Variants in OTUD7B observed in about 807,000 individuals in gnomAD.
The protein encoded by OTUD7B is OTU domain-containing protein 7B.
Under a neutral mutation model 82.2 loss-of-function variants are expected in OTUD7B, and 34 were observed. That is an observed-to-expected ratio of 0.41 (90% CI 0.31 to 0.55). The LOEUF is 0.55. Ranked by LOEUF, OTUD7B falls within the 20% of genes least tolerant of loss-of-function variation. OTUD7B has a pLI of 0.20. For synonymous variants in OTUD7B, 398 were observed against 402.7 expected (o/e 0.99, Z 0.14); for missense variants, 944 against 1,062.1 (o/e 0.89, Z 1.55).
At chr1:149,993,160 T>C (rs186905635) in intron 1 of OTUD7B, among the ~76,000 whole-genome samples, 14 of 152,210 alleles carry the variant, frequency 9.2e-5, no homozygotes, top group Admixed American at 2.6e-4. Flanking sequence ...AAAGAAAGTA[T>C]ACAGCCTGAA....
At chr1:150,051,148 G>C in the OTUD7B span, among the ~76,000 whole-genome samples, 11 of 142,938 alleles carry the variant, frequency 7.7e-5, no homozygotes, top group Non-Finnish European at 1.2e-4. Context: ...AGAATCGCTT[G>C]AACCCAGGAA....
At chr1:149,975,118 TTGCATAAACTGTTTATTC>T (rs1350777986) in intron 2 of OTUD7B, among the ~76,000 whole-genome samples, 1 of 152,184 alleles carries the variant, frequency 6.6e-6, no homozygotes, top group African/African-American at 2.4e-5. Flanking sequence ...CTTAGGGCCC[TTGCATAAACTGTTTATTC>T]TGCATAAACA....
intron 1 of OTUD7B, among the ~76,000 whole-genome samples, chr1:149,978,189 A>G (rs587750796): frequency 1.3e-5 from 2 of 152,314 alleles, no homozygotes; most frequent in South Asian, 4.1e-4. Context: ...GCAGAGGAGT[A>G]AACTGATAGC....
At chr1:150,034,102 G>C in the OTUD7B span, among the ~76,000 whole-genome samples, 60 of 152,298 alleles carry the variant, frequency 3.9e-4, no homozygotes, top group Non-Finnish European at 6.5e-4. Context: ...TACATGATAA[G>C]TGGCAAAGCC....
intron 6 of OTUD7B, chr1:149,961,362 T>C (rs1383922039): frequency 6.6e-6 from 1 of 152,210 alleles, no homozygotes; most frequent in Non-Finnish European, 1.5e-5. Flanking sequence ...GTTGTTTTTT[T>C]GTTTGTTTGT....
At position 149,941,279 on chromosome 1, in the gene OTUD7B, AC is replaced by A. The variant is rs1553770351; in HGVS notation, c.*2577del. On this transcript the variant is annotated 3_prime_UTR_variant, in exon 12 of 12. Transcript: ENST00000581312. ...CACAGCAGTCCAGTGGAGAATCAAA[AC>A]TTTTCCGGCTTTATTCTCTGGGAAA... The A allele has an allele frequency of 1.3e-5, 2 of 152,156 alleles. No individual in the cohort carries two copies. Among genetic ancestry groups the A allele is most frequent in the African/African-American group, 4.8e-5 (2 of 41,432 alleles). The allele number at this position is 152,156 out of a possible 1,614,324, so 9.4% of individuals were successfully genotyped here. A position where few individuals can be genotyped will look rare whatever the true frequency, so the allele number is the denominator to read the frequency against.
chr1:150,065,615 T>C, the OTUD7B span, among the ~76,000 whole-genome samples: 1 of 152,232 alleles, frequency 6.6e-6, no homozygotes, highest in Non-Finnish European at 1.5e-5. Flanking sequence ...TTGCTGTCAC[T>C]TGCCTGCAAC....
chr1:150,057,988 T>G, the OTUD7B span, among the ~76,000 whole-genome samples: 1 of 152,164 alleles, frequency 6.6e-6, no homozygotes, highest in Non-Finnish European at 1.5e-5. Context: ...CAAATGCCCT[T>G]GGAGCATAAT....
intron 8 of OTUD7B, 135 bp downstream of exon 8, chr1:149,949,959 C>A: frequency 7.5e-7 from 1 of 1,334,098 alleles, no homozygotes; most frequent in East Asian, 2.4e-5. Context: ...GAGAATTTTG[C>A]ACTATTCTAA....
the OTUD7B span, among the ~76,000 whole-genome samples, chr1:150,041,261 T>G: frequency 2.0e-5 from 3 of 152,176 alleles, no homozygotes; most frequent in Admixed American, 6.5e-5. Flanking sequence ...TGCAATACAT[T>G]AGTATGCTTT....
Position 149,995,494 on chromosome 1 carries a change from G to A in OTUD7B, c.-67+14954C>T, listed in dbSNP as rs587714895. Among the ~76,000 whole-genome samples the A allele has an allele frequency of 1.5e-4, 23 of 152,044 alleles. No individual in the cohort carries two copies. In the South Asian group the frequency reaches 2.3e-3, roughly 15 times the overall value. On this transcript the variant is annotated intron_variant, in intron 1 of 11. Transcript: ENST00000581312. ...CTAGGAAGGCTGAGCCAGGGGAATC[G>A]CTTGAACCTGGGAGGCAGGGGTTGC...
intron 7 of OTUD7B, among the ~76,000 whole-genome samples, chr1:149,957,057 G>A (rs138315118): frequency 0.019 from 2,908 of 150,386 alleles, 78 homozygotes; most frequent in African/African-American, 0.064. Context: ...GTCATTCTCC[G>A]TCCAGCTTTG....
chr1:150,047,051 A>C, the OTUD7B span, among the ~76,000 whole-genome samples: 1 of 151,924 alleles, frequency 6.6e-6, no homozygotes, highest in Non-Finnish European at 1.5e-5. Flanking sequence ...AGCCTGGGCG[A>C]CAGAGCACAG....
chr1:150,040,416 T>C, the OTUD7B span, among the ~76,000 whole-genome samples: 2 of 152,216 alleles, frequency 1.3e-5, no homozygotes, highest in Non-Finnish European at 1.5e-5. Context: ...ATGGAGCTTA[T>C]ATTCTAGTAG....
In OTUD7B at chr1:149,999,210, C is replaced by T. The variant is rs143435304; in HGVS notation, c.-67+11238G>A. On this transcript the variant is annotated intron_variant, in intron 1 of 11. Coordinates refer to ENST00000581312, the MANE Select transcript of OTUD7B (RefSeq NM_020205.4). Reference sequence around the variant, plus strand: ...TTTCATAATGAACTAGTATATTATACAAAATTACAAAGATGTGAGAAAGAA... The same window carrying T: ...TTTCATAATGAACTAGTATATTATATAAAATTACAAAGATGTGAGAAAGAA... Among the ~76,000 whole-genome samples the T allele has an allele frequency of 4.6e-5, 7 of 152,130 alleles. No individual in the cohort carries two copies. The East Asian group carries it at 1.4e-3, about 29-fold the overall frequency.
At chr1:150,016,045 G>A in the OTUD7B span, among the ~76,000 whole-genome samples, 21 of 152,212 alleles carry the variant, frequency 1.4e-4, no homozygotes, top group African/African-American at 4.8e-4. Flanking sequence ...TACTGAGGAT[G>A]ACAGAGCAAA....
At chr1:150,046,899 C>T in the OTUD7B span, among the ~76,000 whole-genome samples, 1 of 151,754 alleles carries the variant, frequency 6.6e-6, no homozygotes, top group Non-Finnish European at 1.5e-5. Context: ...GGCGAAACCC[C>T]ATCTCTACTA....
chr1:150,030,011 A>G, the OTUD7B span, among the ~76,000 whole-genome samples: 5 of 152,164 alleles, frequency 3.3e-5, no homozygotes, highest in Admixed American at 6.5e-5. Context: ...ATAATTCATG[A>G]ACTCCTAATG....
In OTUD7B at chr1:149,967,311, A is replaced by G. The variant is rs782139313; in HGVS notation, c.485T>C (p.Val162Ala). The G allele has an allele frequency of 6.2e-7, 1 of 1,613,030 alleles. No homozygotes were observed. The highest frequency in any genetic ancestry group is 1.7e-5 in the Admixed American group (1 of 59,958). ...TCACTGACCTGCCTGTTCCAAGGCA[A>G]CCAGCATGGACTGCTCAATGAGGTC... is the stretch of plus-strand genomic sequence containing the variant. Reference protein sequence around the residue: ...ERDLIEQSMLVALEQAGRLNW... With the variant: ...ERDLIEQSMLAALEQAGRLNW... Residue 162 changes from valine to alanine, a missense_variant, in exon 4 of 12, where the codon GTT becomes GCT. Physicochemically the swap from Val to Ala is moderately conservative, Grantham distance 64. This residue lies in a region of OTUD7B where 530 missense variants were observed against 625.6 expected (regional missense o/e 0.85). Coordinates refer to ENST00000581312, the MANE Select transcript of OTUD7B (RefSeq NM_020205.4).
Sources: allele counts gnomAD v4.1 joint callset (sites outside exome capture counted in the v4.1 genomes callset), GRCh38; gene constraint gnomAD v4.1.1; regional missense constraint gnomAD v4.1.1; transcripts MANE v1.5; gene names NCBI Gene and HGNC (gene_info 2026-07-23, HGNC 2026-07-21).